SETBP1: variants seen among roughly 807,000 people sequenced by gnomAD.
SETBP1 encodes SET-binding protein.
SETBP1 carries 9 observed loss-of-function variants against 101.0 expected under a neutral mutation model. The ratio of observed to expected loss-of-function variants is 0.09; its 90% CI spans 0.05 to 0.16. SETBP1 has a LOEUF of 0.16. SETBP1 is among the 10% of genes least tolerant of loss of function. SETBP1 has a pLI of 1.00. For missense variants in SETBP1, 1,858 were observed against 2,033.8 expected (o/e 0.91, Z 1.66); for synonymous variants, 818 against 788.5 (o/e 1.04, Z -0.63).
intron 2 of SETBP1, among the ~76,000 whole-genome samples, chr18:44,793,134 G>T (rs1367359462): frequency 6.6e-6 from 1 of 152,092 alleles, no homozygotes; most frequent in Non-Finnish European, 1.5e-5. Flanking sequence ...AAAATCTAGG[G>T]TCTCCAAATT....
At chr18:44,965,365 A>G (rs1311707249) in intron 4 of SETBP1, among the ~76,000 whole-genome samples, 2 of 151,832 alleles carry the variant, frequency 1.3e-5, no homozygotes, top group African/African-American at 4.8e-5. Flanking sequence ...CAGTGTTGCC[A>G]TCACTCATAC....
chr18:44,714,148 A>G (rs1159510986), intron 2 of SETBP1, among the ~76,000 whole-genome samples: 1 of 152,064 alleles, frequency 6.6e-6, no homozygotes, highest in Non-Finnish European at 1.5e-5. Flanking sequence ...TTTTAATGTA[A>G]TATTCACTTA....
At chr18:45,049,019 C>G (rs1411908593) in intron 5 of SETBP1, among the ~76,000 whole-genome samples, 2 of 148,482 alleles carry the variant, frequency 1.3e-5, no homozygotes, top group Non-Finnish European at 3.0e-5. Context: ...GAAGATTAGC[C>G]CCTGCCCCAG....
intron 4 of SETBP1, chr18:44,970,057 A>C (rs1337718235): frequency 6.5e-6 from 1 of 154,790 alleles, no homozygotes; most frequent in Non-Finnish European, 1.5e-5. Flanking sequence ...ATTTTTCAAA[A>C]TACATTCATG....
rs550825614 is a variant in SETBP1, at chr18:45,067,158, G to C, written c.*3460G>C. 1.3e-5 allele frequency: 2 copies of C among 152,294 alleles called. No homozygotes were observed. Among genetic ancestry groups the C allele is most frequent in the South Asian group, 4.1e-4 (2 of 4,830 alleles). 9.4% of individuals were successfully genotyped at this position (152,294 alleles called of 1,614,324 possible). Reference sequence around the variant, plus strand: ...AGAATGTTAATTTGGCTGCTGTCCGGACTAGGAGGCCATGTTCAATGGCAG... The same window carrying C: ...AGAATGTTAATTTGGCTGCTGTCCGCACTAGGAGGCCATGTTCAATGGCAG... On this transcript the variant is annotated 3_prime_UTR_variant, in exon 6 of 6. Coordinates refer to ENST00000649279, the MANE Select transcript of SETBP1 (RefSeq NM_015559.3).
intron 5 of SETBP1, 96 bp downstream of exon 5, chr18:45,038,751 C>G: frequency 7.4e-7 from 1 of 1,344,370 alleles, no homozygotes; most frequent in Non-Finnish European, 1.0e-6. Context: ...TAAGAGTTCT[C>G]TGTTTTGCCA....
At chr18:45,062,621 C>A (rs2073907284) in intron 5 of SETBP1, among the ~76,000 whole-genome samples, 3 of 152,246 alleles carry the variant, frequency 2.0e-5, no homozygotes, top group Admixed American at 6.5e-5. Flanking sequence ...ATTCATCTAA[C>A]ACCTACAAAA....
intron 2 of SETBP1, among the ~76,000 whole-genome samples, chr18:44,786,195 G>A (rs2071235709): frequency 6.6e-6 from 1 of 152,142 alleles, no homozygotes; most frequent in Admixed American, 6.5e-5. Flanking sequence ...GAAATGCAAT[G>A]TTTTAGTTAT....
chr18:44,985,885 C>T (rs1788064195), intron 4 of SETBP1, among the ~76,000 whole-genome samples: 1 of 152,194 alleles, frequency 6.6e-6, no homozygotes, highest in African/African-American at 2.4e-5. Flanking sequence ...GATTTAGAAA[C>T]AATATTTGGA....
intron 2 of SETBP1, among the ~76,000 whole-genome samples, chr18:44,761,505 A>G (rs1463390655): frequency 6.6e-6 from 1 of 152,236 alleles, no homozygotes; most frequent in African/African-American, 2.4e-5. Flanking sequence ...AGGGTCATAC[A>G]TGATAGATCA....
intron 2 of SETBP1, among the ~76,000 whole-genome samples, chr18:44,733,521 C>G (rs1045297314): frequency 1.3e-5 from 2 of 152,184 alleles, no homozygotes; most frequent in African/African-American, 4.8e-5. Flanking sequence ...TCTTTCCTAA[C>G]TCCACCAGGC....
chr18:44,914,668 G>A (rs567513985), intron 3 of SETBP1, among the ~76,000 whole-genome samples: 2 of 152,282 alleles, frequency 1.3e-5, no homozygotes, highest in East Asian at 3.9e-4. Flanking sequence ...TGGTTACACA[G>A]CCTTTAGACT....
intron 2 of SETBP1, among the ~76,000 whole-genome samples, chr18:44,837,038 C>A (rs1304053670): frequency 6.6e-6 from 1 of 152,202 alleles, no homozygotes; most frequent in African/African-American, 2.4e-5. Context: ...CCAGCCCTCA[C>A]CAAGGATTGC....
chr18:45,039,797 C>T (rs2073473453), intron 5 of SETBP1, among the ~76,000 whole-genome samples: 1 of 152,212 alleles, frequency 6.6e-6, no homozygotes, highest in Admixed American at 6.5e-5. Flanking sequence ...TGTCTACATA[C>T]CTACCTCCTT....
At chr18:44,753,532 CT>C (rs1264308193) in intron 2 of SETBP1, among the ~76,000 whole-genome samples, 1 of 152,196 alleles carries the variant, frequency 6.6e-6, no homozygotes, top group Non-Finnish European at 1.5e-5. Flanking sequence ...ATTATGGAGC[CT>C]TTCTAGGCCA....
chr18:44,897,771 T>C (rs2069941752), intron 3 of SETBP1, among the ~76,000 whole-genome samples: 1 of 152,190 alleles, frequency 6.6e-6, no homozygotes. Flanking sequence ...AAGACAGCTC[T>C]AGTGCTAATG....
intron 4 of SETBP1, among the ~76,000 whole-genome samples, chr18:45,005,862 G>T (rs2072713839): frequency 6.6e-6 from 1 of 150,544 alleles, no homozygotes; most frequent in Non-Finnish European, 1.5e-5. Context: ...TAGCCAGGAT[G>T]GTCTCAATCT....
At chr18:44,966,841 C>T (rs1307455712) in intron 4 of SETBP1, among the ~76,000 whole-genome samples, 2 of 152,182 alleles carry the variant, frequency 1.3e-5, no homozygotes, top group Admixed American at 1.3e-4. Context: ...AACTTAGGCT[C>T]TTAGATGTCC....
intron 2 of SETBP1, among the ~76,000 whole-genome samples, chr18:44,713,611 C>T (rs546744972): frequency 6.6e-6 from 1 of 152,240 alleles, no homozygotes; most frequent in East Asian, 1.9e-4. Context: ...GTATTGTAAC[C>T]TCCTCTGTTC....
Sources: allele counts gnomAD v4.1 joint callset (sites outside exome capture counted in the v4.1 genomes callset), GRCh38; gene constraint gnomAD v4.1.1; transcripts MANE v1.5; gene names NCBI Gene and HGNC (gene_info 2026-07-23, HGNC 2026-07-21).